The following PTPRZ1 variants were observed in gnomAD, a reference collection of about 807,000 sequenced individuals.
PTPRZ1 encodes receptor-type tyrosine-protein phosphatase zeta.
A neutral mutation model predicts 214.1 loss-of-function variants in PTPRZ1; 82 were observed. That is an observed-to-expected ratio of 0.38 (90% CI 0.32 to 0.46). The LOEUF (loss-of-function observed/expected upper bound fraction) is 0.46, where lower values mean the gene tolerates loss of function less well. PTPRZ1 is among the 20% of genes least tolerant of loss of function. PTPRZ1 has a pLI of 1.00. For synonymous variants in PTPRZ1, 945 were observed against 987.9 expected (o/e 0.96, Z 0.81); for missense variants, 2,603 against 2,748.7 (o/e 0.95, Z 1.19).
At chr7:122,054,588 T>A (rs1338974612) in intron 26 of PTPRZ1, among the ~76,000 whole-genome samples, 1 of 152,098 alleles carries the variant, frequency 6.6e-6, no homozygotes, top group South Asian at 2.1e-4. Context: ...TATTCAGTTC[T>A]TATCTATAAA....
intron 12 of PTPRZ1, among the ~76,000 whole-genome samples, chr7:122,017,579 T>TTTA (rs1343590297): frequency 5.4e-5 from 3 of 55,616 alleles, no homozygotes; most frequent in African/African-American, 3.9e-4. Context: ...TTATTTATTT[T>TTTA]GAGATAGAGT....
intron 5 of PTPRZ1, 88 bp from the exon 6 acceptor site, chr7:121,976,697 A>T: frequency 9.2e-7 from 1 of 1,084,750 alleles, no homozygotes; most frequent in South Asian, 2.0e-5. Flanking sequence ...GCACATATTT[A>T]AAATGGAATT....
intron 27 of PTPRZ1, among the ~76,000 whole-genome samples, chr7:122,057,757 T>G (rs117975826): frequency 6.6e-6 from 1 of 151,454 alleles, no homozygotes; most frequent in East Asian, 1.9e-4. Flanking sequence ...TCATTTAGTA[T>G]CTTAAAAAAA....
rs941195085 is a variant in PTPRZ1 at position 122,040,699 on chromosome 7, G to A, written c.5638-117G>A. The A allele has an allele frequency of 7.1e-6, 5 of 708,338 alleles. No homozygotes were observed. The African/African-American group carries it at 9.0e-5, about 13-fold the overall frequency. The allele number at this position is 708,338 out of a possible 1,614,324, so 43.9% of individuals were successfully genotyped here. A position where few individuals can be genotyped will look rare whatever the true frequency, so the allele number is the denominator to read the frequency against. On this transcript the variant is annotated intron_variant, in intron 20 of 29. Transcript: ENST00000393386. Reference sequence around the variant, plus strand: ...TTATGGACCCTCAACATCAAATCAAGCTATGATTCCTGACTTGCTGTTGAA... The same window carrying A: ...TTATGGACCCTCAACATCAAATCAAACTATGATTCCTGACTTGCTGTTGAA...
chr7:121,922,381 A>G (rs1795625875), intron 1 of PTPRZ1, among the ~76,000 whole-genome samples: 2 of 152,034 alleles, frequency 1.3e-5, no homozygotes, highest in Non-Finnish European at 2.9e-5. Context: ...ACATGGTGAA[A>G]CCCTGTCTCT....
At chr7:121,905,029 A>G (rs1334183811) in intron 1 of PTPRZ1, among the ~76,000 whole-genome samples, 1 of 152,206 alleles carries the variant, frequency 6.6e-6, no homozygotes, top group East Asian at 1.9e-4. Flanking sequence ...ATGAACTATA[A>G]TTATGTAGAT....
chr7:122,044,216 G>A (rs2150481661), intron 22 of PTPRZ1, among the ~76,000 whole-genome samples: 1 of 152,226 alleles, frequency 6.6e-6, no homozygotes, highest in East Asian at 1.9e-4. Context: ...TAAATGAAGA[G>A]GTAAGGAATG....
chr7:121,951,807 T>A (rs908108408), intron 2 of PTPRZ1, among the ~76,000 whole-genome samples: 1 of 152,118 alleles, frequency 6.6e-6, no homozygotes, highest in African/African-American at 2.4e-5. Context: ...ACCTTCTCTG[T>A]CCAGTTAAAC....
At chr7:121,938,960 T>C (rs1022053143) in intron 2 of PTPRZ1, among the ~76,000 whole-genome samples, 1 of 152,146 alleles carries the variant, frequency 6.6e-6, no homozygotes, top group Non-Finnish European at 1.5e-5. Context: ...ACTAAATCAG[T>C]GTGAGGGCAA....
At chr7:122,005,649 T>C (rs1397241528) in intron 11 of PTPRZ1, among the ~76,000 whole-genome samples, 1 of 151,994 alleles carries the variant, frequency 6.6e-6, no homozygotes, top group Non-Finnish European at 1.5e-5. Context: ...TATATATATA[T>C]ATGTATATAT....
chr7:121,875,397 G>A (rs1170764821), intron 1 of PTPRZ1, among the ~76,000 whole-genome samples: 1 of 152,190 alleles, frequency 6.6e-6, no homozygotes, highest in South Asian at 2.1e-4. Flanking sequence ...CCTTTTTGTG[G>A]CTGAGTAATA....
At chr7:121,917,225 G>C (rs1326216357) in intron 1 of PTPRZ1, among the ~76,000 whole-genome samples, 2 of 152,186 alleles carry the variant, frequency 1.3e-5, no homozygotes, top group African/African-American at 4.8e-5. Flanking sequence ...TTTTTGTACA[G>C]TTATGAGCAA....
At chr7:121,910,234 G>T (rs1216943425) in intron 1 of PTPRZ1, among the ~76,000 whole-genome samples, 2 of 152,132 alleles carry the variant, frequency 1.3e-5, no homozygotes, top group Non-Finnish European at 2.9e-5. Context: ...TCAAGGCTTT[G>T]CTTGAATGTC....
At chr7:121,896,125 C>T (rs564448909) in intron 1 of PTPRZ1, among the ~76,000 whole-genome samples, 2 of 152,274 alleles carry the variant, frequency 1.3e-5, no homozygotes, top group Admixed American at 6.5e-5. Flanking sequence ...TAAAAAGGAA[C>T]ACATTAACAG....
chr7:122,023,430 A>C (rs1293098802), intron 13 of PTPRZ1, among the ~76,000 whole-genome samples: 2 of 146,710 alleles, frequency 1.4e-5, no homozygotes. Flanking sequence ...CCAGCGAGGC[A>C]TGGTGGCTCA....
chr7:122,005,487 A>AT (rs1798458619), intron 11 of PTPRZ1, among the ~76,000 whole-genome samples: 4 of 151,948 alleles, frequency 2.6e-5, no homozygotes, highest in Admixed American at 2.6e-4. Context: ...GGTATAAACT[A>AT]TCTTGATATT....
At chr7:121,931,719 C>A (rs1222783258) in intron 2 of PTPRZ1, among the ~76,000 whole-genome samples, 1 of 152,196 alleles carries the variant, frequency 6.6e-6, no homozygotes, top group Non-Finnish European at 1.5e-5. Flanking sequence ...AACCACAGAG[C>A]TGCTCCTTTT....
intron 25 of PTPRZ1, among the ~76,000 whole-genome samples, chr7:122,052,782 G>A (rs1223154615): frequency 6.6e-6 from 1 of 152,172 alleles, no homozygotes; most frequent in Non-Finnish European, 1.5e-5. Flanking sequence ...CTCTTGTAGA[G>A]GCAACCAAGG....
intron 4 of PTPRZ1, among the ~76,000 whole-genome samples, chr7:121,972,962 T>G (rs191934860): frequency 8.8e-4 from 134 of 152,290 alleles, no homozygotes; most frequent in Non-Finnish European, 1.4e-3. Flanking sequence ...GACAATTTCA[T>G]TAACATACTG....
Sources: gnomAD v4.1 joint callset for allele counts (sites outside exome capture counted in the v4.1 genomes callset) on GRCh38, gnomAD v4.1.1 for gene constraint, MANE v1.5 for transcripts, NCBI Gene and HGNC (gene_info 2026-07-23, HGNC 2026-07-21) for gene names.